GPC4: variants seen among roughly 807,000 people sequenced by gnomAD.
GPC4 encodes glypican-4.
A neutral mutation model predicts 35.0 loss-of-function variants in GPC4; 10 were observed. The ratio of observed to expected loss-of-function variants is 0.29; its 90% CI spans 0.18 to 0.48. The LOEUF (loss-of-function observed/expected upper bound fraction) is 0.48. Ranked by LOEUF, GPC4 falls within the 20% of genes least tolerant of loss-of-function variation. GPC4 has a pLI of 0.99. For synonymous variants in GPC4, 167 were observed against 170.2 expected (o/e 0.98, Z 0.15); for missense variants, 322 against 451.3 (o/e 0.71, Z 2.60).
chrX:133,316,477 G>C lies in GPC4; in HGVS notation c.712-5054C>G, dbSNP rs187071527. Among the ~76,000 whole-genome samples the C allele has an allele frequency of 7.9e-3, 885 of 111,497 alleles. 29 individuals are homozygous for C. Among genetic ancestry groups the C allele is most frequent in the Admixed American group, 0.077 (802 of 10,423 alleles). On this transcript the variant is annotated intron_variant, in intron 3 of 8. Transcript: ENST00000370828. The stretch of plus-strand genomic sequence containing the variant: ...ACATAAGCCTAATCCTTTCACCAGA[G>C]CTCCTAGAACTAGTACAGTATCTCC...
intron 1 of GPC4, among the ~76,000 whole-genome samples, chrX:133,364,556 AAC>A (rs2068582028): frequency 8.9e-6 from 1 of 112,413 alleles, no homozygotes; most frequent in Admixed American, 9.4e-5. Flanking sequence ...CAAATAAGAA[AAC>A]ACACTTAAAT....
intron 1 of GPC4, among the ~76,000 whole-genome samples, chrX:133,346,466 C>T (rs1383884398): frequency 9.0e-6 from 1 of 111,086 alleles, no homozygotes; most frequent in Admixed American, 9.6e-5. Context: ...GGTGACCAAG[C>T]CATCAACCAA....
chrX:133,344,167 C>A (rs761649952), intron 1 of GPC4, among the ~76,000 whole-genome samples: 3 of 67,315 alleles, frequency 4.5e-5, no homozygotes, highest in African/African-American at 8.6e-5. Context: ...TTCTTTCTTT[C>A]TTTATTTTCT....
chrX:133,388,057 A>G (rs2068700565), intron 1 of GPC4, among the ~76,000 whole-genome samples: 1 of 112,200 alleles, frequency 8.9e-6, no homozygotes, highest in African/African-American at 3.2e-5. Context: ...ATGACAACAA[A>G]TCTTTTCAAT....
intron 1 of GPC4, among the ~76,000 whole-genome samples, chrX:133,353,518 TCTAA>T (rs1220023359): frequency 8.9e-6 from 1 of 111,766 alleles, no homozygotes; most frequent in Non-Finnish European, 1.9e-5. Flanking sequence ...GCTTGCCCTC[TCTAA>T]CTCTTTTTGG....
chrX:133,342,386 G>A (rs1406949958), intron 1 of GPC4, among the ~76,000 whole-genome samples: 1 of 111,383 alleles, frequency 9.0e-6, no homozygotes, highest in African/African-American at 3.3e-5. Flanking sequence ...TCATCTCAGA[G>A]AGATCTTTCC....
intron 2 of GPC4, among the ~76,000 whole-genome samples, chrX:133,326,483 C>T (rs754703167): frequency 9.0e-5 from 10 of 111,707 alleles, no homozygotes; most frequent in Non-Finnish European, 1.5e-4. Context: ...GCACTCTCAG[C>T]ACCAGCTAGC....
Position 133,380,997 on chromosome X carries a change from G to T in GPC4, c.160+33809C>A, listed in dbSNP as rs143992687. ...CATCCACACCAGCAATTTTTAGTAA[G>T]CAATAGCTCTTACCAGCCCTGCACT... On this transcript the variant is annotated intron_variant, in intron 1 of 8. Transcript: ENST00000370828. 6.7e-3 allele frequency among the ~76,000 whole-genome samples: 753 copies of T among 111,817 alleles called. 5 individuals are homozygous for T. The highest frequency in any genetic ancestry group is 0.011 in the Non-Finnish European group (562 of 53,167).
chrX:133,356,358 C>A (rs963527766), intron 1 of GPC4, among the ~76,000 whole-genome samples: 1 of 111,356 alleles, frequency 9.0e-6, no homozygotes, highest in Non-Finnish European at 1.9e-5. Context: ...GATTCTCCTG[C>A]CCCAGCCTCC....
At chrX:133,351,277 T>C (rs1857174710) in intron 1 of GPC4, among the ~76,000 whole-genome samples, 1 of 111,336 alleles carries the variant, frequency 9.0e-6, no homozygotes, top group African/African-American at 3.3e-5. Context: ...TGCCTCAAAG[T>C]CAATCATAAT....
intron 1 of GPC4, among the ~76,000 whole-genome samples, chrX:133,361,721 A>G (rs1172881007): frequency 8.9e-6 from 1 of 112,063 alleles, no homozygotes; most frequent in African/African-American, 3.2e-5. Context: ...AAACCTGGGT[A>G]ACCCTGAAGG....
At chrX:133,381,187 C>T (rs763734081) in intron 1 of GPC4, among the ~76,000 whole-genome samples, 1 of 111,876 alleles carries the variant, frequency 8.9e-6, no homozygotes, top group Non-Finnish European at 1.9e-5. Flanking sequence ...GGAGATCATA[C>T]GTGAGCAGCT....
intron 2 of GPC4, among the ~76,000 whole-genome samples, chrX:133,328,043 T>TAAGACAAA (rs2124123926): frequency 9.0e-6 from 1 of 110,937 alleles, no homozygotes; most frequent in African/African-American, 3.3e-5. Context: ...AAATTTCTGG[T>TAAGACAAA]AAGACAAATT....
intron 6 of GPC4, among the ~76,000 whole-genome samples, chrX:133,305,154 T>C: frequency 8.9e-6 from 1 of 111,873 alleles, no homozygotes; most frequent in Middle Eastern, 4.6e-3. Flanking sequence ...AAAGATAACA[T>C]GCAGTCTCTT....
chrX:133,374,592 T>C (rs1001992050), intron 1 of GPC4, among the ~76,000 whole-genome samples: 1 of 111,956 alleles, frequency 8.9e-6, no homozygotes, highest in African/African-American at 3.2e-5. Flanking sequence ...GATCTGACTG[T>C]ATGACCTTGA....
At chrX:133,345,581 C>T (rs918371754) in intron 1 of GPC4, among the ~76,000 whole-genome samples, 2 of 112,203 alleles carry the variant, frequency 1.8e-5, no homozygotes, top group Non-Finnish European at 3.8e-5. Flanking sequence ...AGGTGGCCAA[C>T]GGTTCAAACC....
chrX:133,393,505 A>C (rs1345397817), intron 1 of GPC4, among the ~76,000 whole-genome samples: 38 of 109,883 alleles, frequency 3.5e-4, no homozygotes, highest in East Asian at 8.6e-4. Context: ...GAAAAAAAAA[A>C]AAAACAAAAC....
chrX:133,302,776 C>T lies in GPC4; in HGVS notation c.*91G>A. The stretch of plus-strand genomic sequence containing the variant: ...TAAAAACTGTACATTGTTGTCCATT[C>T]ATTTAAAAAGCAAAGTCACTAGGAT... On this transcript the variant is annotated 3_prime_UTR_variant, in exon 9 of 9. Coordinates refer to ENST00000370828, the MANE Select transcript of GPC4 (RefSeq NM_001448.3). The T allele has an allele frequency of 1.2e-6, 1 of 845,364 alleles. No individual in the cohort carries two copies. Among genetic ancestry groups the T allele is most frequent in the Non-Finnish European group, 1.7e-6 (1 of 584,296 alleles). 69.7% of individuals were successfully genotyped at this position (845,364 alleles called of 1,213,427 possible).
intron 1 of GPC4, among the ~76,000 whole-genome samples, chrX:133,398,295 G>T (rs778694198): frequency 2.3e-4 from 25 of 110,568 alleles, no homozygotes; most frequent in African/African-American, 7.9e-4. Context: ...CCCTTCAGAA[G>T]AGGGGTCCAC....
Sources: gnomAD v4.1 joint callset for allele counts (sites outside exome capture counted in the v4.1 genomes callset) on GRCh38, gnomAD v4.1.1 for gene constraint, MANE v1.5 for transcripts, NCBI Gene and HGNC (gene_info 2026-07-23, HGNC 2026-07-21) for gene names.